The following RGS22 variants were observed in gnomAD, a reference collection of about 807,000 sequenced individuals.
RGS22 encodes regulator of G protein signaling 22.
In RGS22, 148 loss-of-function variants were observed where a neutral mutation model predicts 172.9. The ratio of observed to expected loss-of-function variants is 0.86; its 90% CI spans 0.75 to 0.98. The LOEUF is 0.98. Ranked by LOEUF, RGS22 falls within the 50% of genes least tolerant of loss-of-function variation. RGS22 has a pLI of 0.00. For synonymous variants in RGS22, 458 were observed against 480.2 expected, an observed-to-expected ratio of 0.95 and a Z score of 0.60; for missense variants, 1,347 against 1,440.8, an observed-to-expected ratio of 0.93 and a Z score of 1.05.
At chr8:100,060,348 A>G (rs1810010673) in intron 9 of RGS22, among the ~76,000 whole-genome samples, 1 of 147,672 alleles carries the variant, frequency 6.8e-6, no homozygotes, top group African/African-American at 2.5e-5. Flanking sequence ...CTTAGTCTAT[A>G]GTAATACTCA....
chr8:100,043,477 C>T lies in RGS22; in HGVS notation c.1824-1561G>A, dbSNP rs757694594. Among the ~76,000 whole-genome samples, 16 of 152,228 alleles carry T rather than the reference C, an allele frequency of 1.1e-4. 1 individual carries two copies. Among genetic ancestry groups the T allele is most frequent in the Middle Eastern group, 3.4e-3 (1 of 294 alleles). The stretch of plus-strand genomic sequence containing the variant: ...GAACAAAAACCTTTAGCTAGACTAA[C>T]CAAGAGAAACCTTTAGTGGCTGGGC... On this transcript the variant is annotated intron_variant, in intron 11 of 27. Transcript: ENST00000360863.
chr8:100,079,203 A>G (rs1324163145), intron 4 of RGS22, among the ~76,000 whole-genome samples: 2 of 152,216 alleles, frequency 1.3e-5, no homozygotes, highest in Admixed American at 1.3e-4. Flanking sequence ...CCTAGTAAAA[A>G]ATTTTTAAAC....
chr8:100,103,698 A>C (rs1430939672), intron 2 of RGS22, among the ~76,000 whole-genome samples: 1 of 152,224 alleles, frequency 6.6e-6, no homozygotes, highest in Non-Finnish European at 1.5e-5. Context: ...GAAAGCCCAG[A>C]GAACAGAATC....
At position 99,961,166 on chromosome 8, in the gene RGS22, T is replaced by C; in HGVS notation, c.*76A>G. The C allele has an allele frequency of 2.2e-6, 1 of 452,964 alleles. No individual in the cohort carries two copies. The highest frequency in any genetic ancestry group is 4.4e-6 in the Non-Finnish European group (1 of 225,490). 28.1% of individuals were successfully genotyped at this position (452,964 alleles called of 1,614,324 possible). ...CAAAAAAACAAATCACTGGAGCTTC[T>C]CATGTCAGCAGAATCTGGTTTAAAG... is the stretch of plus-strand genomic sequence containing the variant. On this transcript the variant is annotated 3_prime_UTR_variant, in exon 28 of 28. Transcript: ENST00000360863.
intron 14 of RGS22, among the ~76,000 whole-genome samples, chr8:100,020,259 C>A (rs1436346032): frequency 1.3e-5 from 2 of 152,120 alleles, no homozygotes; most frequent in African/African-American, 4.8e-5. Flanking sequence ...TTAGCAAAGA[C>A]CTAGCCAGCC....
chr8:99,997,768 G>A (rs1202095783), intron 19 of RGS22, among the ~76,000 whole-genome samples: 1 of 152,032 alleles, frequency 6.6e-6, no homozygotes, highest in Non-Finnish European at 1.5e-5. Flanking sequence ...AATTATCAAA[G>A]AAATACTTCT....
At chr8:100,007,138 T>C (rs571520595) in intron 15 of RGS22, among the ~76,000 whole-genome samples, 233 of 152,288 alleles carry the variant, frequency 1.5e-3, no homozygotes, top group Non-Finnish European at 2.6e-3. Flanking sequence ...TCATAATAGT[T>C]GTTTCAGTCA....
rs546961279 is a variant in RGS22, at chr8:100,031,820, C to T, written c.2166+7111G>A. ...AATGTCAAAAAAACTGTAGAACTCT[C>T]GGCAGAAACGCTATAAGCCAGAAGA... On this transcript the variant is annotated intron_variant, in intron 14 of 27. Coordinates refer to ENST00000360863, the MANE Select transcript of RGS22 (RefSeq NM_015668.5). Among the ~76,000 whole-genome samples the T allele has an allele frequency of 9.9e-5, 15 of 152,162 alleles. No homozygotes were observed. In the South Asian group the frequency reaches 1.9e-3, roughly 19 times the overall value.
At chr8:100,072,548 T>C (rs1305489948) in intron 4 of RGS22, among the ~76,000 whole-genome samples, 1 of 152,082 alleles carries the variant, frequency 6.6e-6, no homozygotes, top group Non-Finnish European at 1.5e-5. Context: ...AGCCAATGCA[T>C]CTCAGTATTT....
chr8:100,041,653 G>T (rs1017332324), intron 12 of RGS22, 149 bp downstream of exon 12: 16 of 537,866 alleles, frequency 3.0e-5, no homozygotes, highest in African/African-American at 2.5e-4. Flanking sequence ...GGAAATATTT[G>T]TGTAAAAATC....
At chr8:100,064,439 G>A (rs1810393862) in intron 7 of RGS22, among the ~76,000 whole-genome samples, 1 of 151,684 alleles carries the variant, frequency 6.6e-6, no homozygotes. Context: ...CTCCAGCCTG[G>A]GCAATAGAGC....
intron 14 of RGS22, among the ~76,000 whole-genome samples, chr8:100,014,243 T>G (rs182344247): frequency 6.6e-6 from 1 of 152,318 alleles, no homozygotes; most frequent in East Asian, 1.9e-4. Context: ...TAACACCAAT[T>G]ATTTTCTTAG....
chr8:100,002,623 C>A (rs1475330089), intron 17 of RGS22, among the ~76,000 whole-genome samples: 1 of 152,162 alleles, frequency 6.6e-6, no homozygotes, highest in Non-Finnish European at 1.5e-5. Context: ...AAATCCGTCA[C>A]CATTATTGGT....
At chr8:100,045,113 CA>C (rs560510319) in intron 11 of RGS22, among the ~76,000 whole-genome samples, 6,863 of 143,346 alleles carry the variant, frequency 0.048, 527 homozygotes, top group African/African-American at 0.16. Context: ...CCCATCTCTA[CA>C]AAAAAAAAAA....
chr8:99,997,641 TG>T (rs1159288070), intron 19 of RGS22, among the ~76,000 whole-genome samples: 1 of 152,198 alleles, frequency 6.6e-6, no homozygotes, highest in Non-Finnish European at 1.5e-5. Flanking sequence ...TTAGTATTAA[TG>T]GCATGTGGCT....
chr8:100,077,890 T>C (rs1811468389), intron 4 of RGS22, among the ~76,000 whole-genome samples: 1 of 152,226 alleles, frequency 6.6e-6, no homozygotes, highest in Non-Finnish European at 1.5e-5. Flanking sequence ...TCATGTACTC[T>C]GAACCTCTGT....
intron 23 of RGS22, among the ~76,000 whole-genome samples, chr8:99,965,989 A>T (rs569224933): frequency 6.6e-6 from 1 of 152,326 alleles, no homozygotes; most frequent in Middle Eastern, 3.4e-3. Context: ...GAATGATGAA[A>T]TTAATAAATT....
Position 100,062,645 on chromosome 8 carries a change from T to C in RGS22, c.1460A>G (p.Glu487Gly). The C allele has an allele frequency of 1.2e-6, 2 of 1,606,910 alleles. No individual in the cohort carries two copies. Among genetic ancestry groups the C allele is most frequent in the Non-Finnish European group, 1.7e-6 (2 of 1,175,072 alleles). ...AGACTGAATATTTCTTAAATGCTCT[T>C]CATTCCACTGTGATCCATCTAACAG... ...FKLLDGSQWN[E>G]EHLRNIQSEV... The change falls in exon 9 of 28, where the codon GAA becomes GGA. Residue 487 changes from glutamate (E) to glycine (G), a missense_variant. Glu to Gly is a moderately conservative substitution (Grantham distance 98). Transcript: ENST00000360863.
intron 6 of RGS22, among the ~76,000 whole-genome samples, chr8:100,069,278 C>G (rs1485386589): frequency 6.6e-6 from 1 of 152,172 alleles, no homozygotes; most frequent in African/African-American, 2.4e-5. Context: ...GGAGCCAAAT[C>G]CTAGCTCAGC....
Sources: allele counts gnomAD v4.1 joint callset (sites outside exome capture counted in the v4.1 genomes callset), GRCh38; gene constraint gnomAD v4.1.1; transcripts MANE v1.5; gene names NCBI Gene and HGNC (gene_info 2026-07-23, HGNC 2026-07-21).